PRKN: variants seen among roughly 807,000 people sequenced by gnomAD.
PRKN encodes the protein E3 ubiquitin-protein ligase parkin.
Under a neutral mutation model 59.5 loss-of-function variants are expected in PRKN, and 56 were observed. The ratio of observed to expected loss-of-function variants is 0.94; its 90% CI spans 0.76 to 1.18. The LOEUF (loss-of-function observed/expected upper bound fraction) is 1.18, where lower values mean the gene tolerates loss of function less well. Ranked by LOEUF, PRKN falls within the 50% of genes most tolerant of loss-of-function variation. The pLI is 0.00. For missense variants in PRKN, 657 were observed against 596.4 expected (o/e 1.10, Z -1.06); for synonymous variants, 250 against 222.1 (o/e 1.13, Z -1.12).
intron 1 of PRKN, among the ~76,000 whole-genome samples, chr6:162,480,260 G>C (rs530204429): frequency 6.6e-6 from 1 of 152,214 alleles, no homozygotes; most frequent in Non-Finnish European, 1.5e-5. Flanking sequence ...TTACCATGGC[G>C]AAGACATCAC....
chr6:161,956,876 G>A (rs975457827), intron 6 of PRKN, among the ~76,000 whole-genome samples: 2 of 152,120 alleles, frequency 1.3e-5, no homozygotes, highest in Non-Finnish European at 1.5e-5. Flanking sequence ...TATAATTACT[G>A]TAGCTATTAG....
chr6:161,849,086 C>T (rs1302194547), intron 6 of PRKN, among the ~76,000 whole-genome samples: 1 of 152,200 alleles, frequency 6.6e-6, no homozygotes, highest in Non-Finnish European at 1.5e-5. Flanking sequence ...TGCCAGTCTA[C>T]AGAAATGAAG....
intron 7 of PRKN, among the ~76,000 whole-genome samples, chr6:161,599,163 G>A (rs977526193): frequency 6.6e-6 from 1 of 152,212 alleles, no homozygotes; most frequent in Non-Finnish European, 1.5e-5. Context: ...GCAGACTTCA[G>A]GCTCCCAGGA....
intron 6 of PRKN, among the ~76,000 whole-genome samples, chr6:161,889,059 C>T (rs9346888): frequency 0.5 from 75,828 of 151,838 alleles, 19,508 homozygotes; most frequent in African/African-American, 0.63. Flanking sequence ...TCCATAAAAA[C>T]TGTACTTGGA....
intron 6 of PRKN, among the ~76,000 whole-genome samples, chr6:161,807,247 A>G (rs553467753): frequency 1.0e-3 from 158 of 152,342 alleles, no homozygotes; most frequent in African/African-American, 3.8e-3. Context: ...ACGTGTGCAC[A>G]CACACACGAA....
At chr6:162,375,463 G>T (rs1786011158) in intron 2 of PRKN, among the ~76,000 whole-genome samples, 1 of 151,394 alleles carries the variant, frequency 6.6e-6, no homozygotes, top group African/African-American at 2.4e-5. Context: ...CCTTAACATG[G>T]TTTAATAAAC....
chr6:161,612,148 TA>T (rs1782511306), intron 7 of PRKN, among the ~76,000 whole-genome samples: 1 of 152,142 alleles, frequency 6.6e-6, no homozygotes, highest in African/African-American at 2.4e-5. Flanking sequence ...CTCCATCACA[TA>T]AAGTGCAAGG....
chr6:162,026,228 C>T (rs1379000768), intron 5 of PRKN, among the ~76,000 whole-genome samples: 5 of 152,154 alleles, frequency 3.3e-5, no homozygotes, highest in South Asian at 2.1e-4. Flanking sequence ...TATATGTATT[C>T]GCGTATTCAT....
rs1312231665 is a variant in PRKN, at chr6:161,529,432, T to TTAGAGATGGAAGAGGCC, written c.1083+19405_1083+19421dup. 6.6e-6 allele frequency among the ~76,000 whole-genome samples: 1 copy of TTAGAGATGGAAGAGGCC among 152,112 alleles called. No homozygotes were observed. Among genetic ancestry groups the TTAGAGATGGAAGAGGCC allele is most frequent in the East Asian group, 1.9e-4 (1 of 5,186 alleles). ...CCAGCATGCAAGAAAGCTCCGAGTCTTAGAGATGGAAGAGGCCTCCTTTTG... is the reference window on the plus strand; with the variant it reads ...CCAGCATGCAAGAAAGCTCCGAGTCTTAGAGATGGAAGAGGCCTAGAGATGGAAGAGGCCTCCTTTTG... On this transcript the variant is annotated intron_variant, in intron 9 of 11. Coordinates refer to ENST00000366898, the MANE Select transcript of PRKN (RefSeq NM_004562.3). The surrounding 1 kb of genome is among the most constrained non-coding windows in gnomAD (Gnocchi z 4.4).
At chr6:161,630,017 G>A (rs1053187321) in intron 7 of PRKN, among the ~76,000 whole-genome samples, 1 of 152,186 alleles carries the variant, frequency 6.6e-6, no homozygotes, top group Non-Finnish European at 1.5e-5. Context: ...CCTGAGTTGA[G>A]CTGTGTCAAT....
chr6:161,507,585 C>T (rs748570048), intron 9 of PRKN, among the ~76,000 whole-genome samples: 2 of 152,160 alleles, frequency 1.3e-5, no homozygotes, highest in Non-Finnish European at 2.9e-5. Flanking sequence ...GCTTTCCTCT[C>T]GGCCCAGCAC....
intron 1 of PRKN, among the ~76,000 whole-genome samples, chr6:162,591,048 T>TG (rs1248130720): frequency 6.6e-6 from 1 of 152,082 alleles, no homozygotes; most frequent in Non-Finnish European, 1.5e-5. Context: ...GCCAGATTCC[T>TG]GAATGGCGCA....
intron 2 of PRKN, 39 bp downstream of exon 2, chr6:162,443,271 C>G (rs577768538): frequency 1.2e-6 from 2 of 1,606,096 alleles, no homozygotes; most frequent in Non-Finnish European, 1.7e-6. Flanking sequence ...AGCAATGGAG[C>G]TGGCGGCATC....
In PRKN at chr6:161,999,357, G is replaced by A. The variant is rs180961300; in HGVS notation, c.619-25940C>T. Among the ~76,000 whole-genome samples the A allele has an allele frequency of 3.5e-4, 54 of 152,122 alleles. No homozygotes were observed. In the East Asian group the frequency reaches 4.4e-3, roughly 13 times the overall value. On this transcript the variant is annotated intron_variant, in intron 5 of 11. Coordinates refer to ENST00000366898, the MANE Select transcript of PRKN (RefSeq NM_004562.3). ...GCCCATCTGGACACTGGACTTTACT[G>A]GTGACTGTTGCTGTAACAGCATCAT...
intron 1 of PRKN, among the ~76,000 whole-genome samples, chr6:162,693,711 C>G (rs1167651477): frequency 6.6e-6 from 1 of 152,156 alleles, no homozygotes; most frequent in African/African-American, 2.4e-5. Context: ...TCTTGAATCT[C>G]AGACAATTTT....
intron 1 of PRKN, among the ~76,000 whole-genome samples, chr6:162,618,037 A>C (rs28616235): frequency 1.3e-5 from 2 of 152,200 alleles, no homozygotes; most frequent in African/African-American, 4.8e-5. Flanking sequence ...TGGTAGACTG[A>C]GGGTTTAAAC....
chr6:162,116,652 G>T (rs1238313989), intron 4 of PRKN, among the ~76,000 whole-genome samples: 1 of 152,116 alleles, frequency 6.6e-6, no homozygotes, highest in Non-Finnish European at 1.5e-5. Context: ...AGTCACTATG[G>T]GTTCAGAGAT....
chr6:162,664,885 A>T (rs1779036358), intron 1 of PRKN, among the ~76,000 whole-genome samples: 2 of 152,128 alleles, frequency 1.3e-5, no homozygotes, highest in South Asian at 4.1e-4. Context: ...TCTTTAGTTT[A>T]ATTAGATCCC....
intron 6 of PRKN, among the ~76,000 whole-genome samples, chr6:161,874,864 A>T (rs1304481711): frequency 2.8e-5 from 3 of 108,686 alleles, no homozygotes; most frequent in East Asian, 2.9e-4. Context: ...AATATATATA[A>T]AATGTAAAAT....
Sources: gnomAD v4.1 joint callset for allele counts (sites outside exome capture counted in the v4.1 genomes callset) on GRCh38, gnomAD v4.1.1 for gene constraint, Gnocchi (gnomAD v3.1) non-coding constraint, MANE v1.5 for transcripts, NCBI Gene and HGNC (gene_info 2026-07-23, HGNC 2026-07-21) for gene names.